Variants in PCDHA11 observed in about 807,000 individuals in gnomAD.
The protein encoded by PCDHA11 is protocadherin alpha-11.
PCDHA11 carries 61 observed loss-of-function variants against 70.3 expected under a neutral mutation model. The observed-to-expected ratio is 0.87, with a 90% confidence interval of 0.71 to 1.07. The LOEUF (loss-of-function observed/expected upper bound fraction) is 1.07. Ranked by LOEUF, PCDHA11 falls within the 50% of genes least tolerant of loss-of-function variation. The probability of loss-of-function intolerance (pLI) is 0.00; values close to 1 mark genes in which losing one functional copy is unlikely to be tolerated. For synonymous variants in PCDHA11, 633 were observed against 555.1 expected, an observed-to-expected ratio of 1.14 and a Z score of -1.97; for missense variants, 1,324 against 1,237.5, an observed-to-expected ratio of 1.07 and a Z score of -1.05.
intron 1 of PCDHA11, among the ~76,000 whole-genome samples, chr5:140,938,921 T>C (rs2092266107): frequency 6.6e-6 from 1 of 151,840 alleles, no homozygotes; most frequent in Non-Finnish European, 1.5e-5. Context: ...GCACAAGAAA[T>C]TGGCTTTTAA....
intron 3 of PCDHA11, among the ~76,000 whole-genome samples, chr5:140,988,499 C>CTT (rs2097300398): frequency 6.6e-6 from 1 of 152,138 alleles, no homozygotes; most frequent in Non-Finnish European, 1.5e-5. Context: ...CTAGGAGAAG[C>CTT]CATGAAGCTT....
chr5:140,971,295 G>C (rs2096467939), intron 1 of PCDHA11, among the ~76,000 whole-genome samples: 2 of 152,232 alleles, frequency 1.3e-5, no homozygotes, highest in South Asian at 4.1e-4. Flanking sequence ...TATGTACTTT[G>C]GTACACAAAC....
At chr5:140,936,340 C>T (rs1346812812) in intron 1 of PCDHA11, among the ~76,000 whole-genome samples, 1 of 152,102 alleles carries the variant, frequency 6.6e-6, no homozygotes, top group Non-Finnish European at 1.5e-5. Flanking sequence ...TCTCTATCTG[C>T]ATATATGGAA....
rs144735555 is a variant in PCDHA11 at position 140,884,569 on chromosome 5, G to C, written c.2391+13075G>C. The stretch of plus-strand genomic sequence containing the variant: ...GCTCTGGGGAGGGCCCGCATAAGAC[G>C]GACCTCATGGCCTTCAGTCCCAGCC... On this transcript the variant is annotated intron_variant, in intron 1 of 3. Transcript: ENST00000398640. 7 of 1,614,008 alleles carry C rather than the reference G, an allele frequency of 4.3e-6. No individual in the cohort carries two copies. In the African/African-American group the frequency reaches 8.0e-5, roughly 18 times the overall value.
chr5:140,901,301 G>A (rs990062811), intron 1 of PCDHA11, among the ~76,000 whole-genome samples: 11 of 152,112 alleles, frequency 7.2e-5, no homozygotes, highest in Non-Finnish European at 1.5e-4. Flanking sequence ...CTGATGTTCC[G>A]GAGAGTTTCC....
chr5:140,894,852 T>C (rs1366360589), intron 1 of PCDHA11, among the ~76,000 whole-genome samples: 2 of 152,200 alleles, frequency 1.3e-5, no homozygotes, highest in African/African-American at 2.4e-5. Flanking sequence ...CATTTTTATA[T>C]GAAAAGTGCT....
At chr5:140,967,710 G>A (rs868978149) in intron 1 of PCDHA11, 1 of 1,614,182 alleles carries the variant, frequency 6.2e-7, no homozygotes, top group Non-Finnish European at 8.5e-7. Flanking sequence ...GCCAGTACCG[G>A]GGAAGTGCGA....
chr5:140,896,583 G>T (rs557774521), intron 1 of PCDHA11, among the ~76,000 whole-genome samples: 1 of 151,654 alleles, frequency 6.6e-6, no homozygotes, highest in South Asian at 2.1e-4. Context: ...TGACGTGTTG[G>T]CCAGGCTGGT....
chr5:140,998,910 A>T (rs1346967203), intron 3 of PCDHA11, among the ~76,000 whole-genome samples: 1 of 152,230 alleles, frequency 6.6e-6, no homozygotes, highest in South Asian at 2.1e-4. Context: ...TCCGGGAGGT[A>T]GCTATTATAT....
intron 3 of PCDHA11, among the ~76,000 whole-genome samples, chr5:141,003,377 T>C (rs2098121331): frequency 6.6e-6 from 1 of 152,180 alleles, no homozygotes; most frequent in African/African-American, 2.4e-5. Context: ...AGTGGTGCAA[T>C]CTCAGCTCAC....
intron 3 of PCDHA11, 39 bp from the exon 4 acceptor site, chr5:141,009,588 G>A: frequency 6.3e-7 from 1 of 1,598,586 alleles, no homozygotes; most frequent in Non-Finnish European, 8.5e-7. Context: ...AAGAGCATGT[G>A]TTGACCCTGT....
intron 1 of PCDHA11, among the ~76,000 whole-genome samples, chr5:140,952,560 C>T (rs536018099): frequency 5.2e-4 from 79 of 152,304 alleles, no homozygotes; most frequent in Non-Finnish European, 1.0e-3. Context: ...TCACTATCAG[C>T]ACTTCGGTCC....
At chr5:140,952,515 C>G (rs2094758109) in intron 1 of PCDHA11, among the ~76,000 whole-genome samples, 1 of 152,132 alleles carries the variant, frequency 6.6e-6, no homozygotes, top group Non-Finnish European at 1.5e-5. Context: ...TCATCTCCAT[C>G]TGAGACCTCC....
At chr5:140,979,779 G>C (rs778402540) in intron 2 of PCDHA11, among the ~76,000 whole-genome samples, 1 of 152,186 alleles carries the variant, frequency 6.6e-6, no homozygotes, top group Non-Finnish European at 1.5e-5. Flanking sequence ...AAATGGGAAG[G>C]ACCAAGAAAC....
intron 1 of PCDHA11, chr5:140,966,679 G>T: frequency 1.5e-6 from 2 of 1,317,678 alleles, no homozygotes; most frequent in Admixed American, 3.8e-5. Context: ...AGGGTGGCAC[G>T]AGCGGAGGCG....
intron 3 of PCDHA11, among the ~76,000 whole-genome samples, chr5:140,996,330 A>G (rs551945424): frequency 6.6e-6 from 1 of 152,208 alleles, no homozygotes; most frequent in Non-Finnish European, 1.5e-5. Flanking sequence ...TAGAGAAGAA[A>G]AGTTTGAAAA....
At chr5:140,983,340 A>G (rs148799902) in intron 3 of PCDHA11, among the ~76,000 whole-genome samples, 114 of 152,358 alleles carry the variant, frequency 7.5e-4, no homozygotes, top group African/African-American at 2.2e-3. Flanking sequence ...TCACTAAAGC[A>G]GGGTCATGTA....
At chr5:140,877,655 C>T (rs868936879) in intron 1 of PCDHA11, 4 of 1,613,562 alleles carry the variant, frequency 2.5e-6, no homozygotes, top group South Asian at 2.2e-5. Context: ...GCGCCGCCCA[C>T]CGTGAGCCGG....
intron 1 of PCDHA11, chr5:140,877,042 G>C: frequency 6.2e-7 from 1 of 1,612,636 alleles, no homozygotes; most frequent in Non-Finnish European, 8.5e-7. Context: ...GCAGCCGCTA[G>C]ACCACGAGGA....
Sources: gnomAD v4.1 joint callset for allele counts (sites outside exome capture counted in the v4.1 genomes callset) on GRCh38, gnomAD v4.1.1 for gene constraint, MANE v1.5 for transcripts, NCBI Gene and HGNC (gene_info 2026-07-23, HGNC 2026-07-21) for gene names.